Variants in FGF14 observed in about 807,000 individuals in gnomAD.
FGF14 encodes the protein fibroblast growth factor 14, also known as fibroblast growth factor homologous factor 4.
In FGF14, 5 loss-of-function variants were observed where a neutral mutation model predicts 25.5. The ratio of observed to expected loss-of-function variants is 0.20; its 90% CI spans 0.10 to 0.41. FGF14 has a LOEUF of 0.41. Among genes scored for constraint, FGF14 ranks in the 10% least tolerant of loss-of-function variants. FGF14 has a pLI of 1.00. For synonymous variants in FGF14, 138 were observed against 118.3 expected, an observed-to-expected ratio of 1.17 and a Z score of -1.08; for missense variants, 222 against 320.1, an observed-to-expected ratio of 0.69 and a Z score of 2.34.
At chr13:102,338,734 C>A (rs1330342508) in intron 1 of FGF14, among the ~76,000 whole-genome samples, 2 of 152,024 alleles carry the variant, frequency 1.3e-5, no homozygotes, top group Non-Finnish European at 2.9e-5. Flanking sequence ...AAGAAAAGGG[C>A]CAGGTGCCAT....
At chr13:101,805,777 G>A (rs1359558185) in intron 3 of FGF14, among the ~76,000 whole-genome samples, 1 of 151,972 alleles carries the variant, frequency 6.6e-6, no homozygotes, top group African/African-American at 2.4e-5. Context: ...ATTCTATGAA[G>A]CTGTTACTAT....
chr13:101,812,643 ATATATATATATTTTTTTTT>A (rs1459313893), intron 3 of FGF14, among the ~76,000 whole-genome samples: 13 of 10,084 alleles, frequency 1.3e-3, no homozygotes, highest in Middle Eastern at 0.071. Flanking sequence ...ATATATATAT[ATATATATATATTTTTTTTT>A]TTTTTTTTTT....
intron 1 of FGF14, among the ~76,000 whole-genome samples, chr13:102,195,030 G>GA (rs200492603): frequency 2.0e-3 from 301 of 150,210 alleles, no homozygotes; most frequent in African/African-American, 6.8e-3. Flanking sequence ...CTTCAAAAAT[G>GA]AAAAAAAAAG....
chr13:101,953,482 C>T (rs114086949), intron 1 of FGF14, among the ~76,000 whole-genome samples: 270 of 151,924 alleles, frequency 1.8e-3, no homozygotes, highest in Non-Finnish European at 2.9e-3. Flanking sequence ...TCCTGGACCA[C>T]TCTTCTCTAA....
chr13:102,148,215 G>A (rs1228030574), intron 1 of FGF14, among the ~76,000 whole-genome samples: 1 of 151,718 alleles, frequency 6.6e-6, no homozygotes, highest in Non-Finnish European at 1.5e-5. Context: ...AACTTGGGGG[G>A]AAAAAAAGTC....
At chr13:102,105,914 T>C (rs2044884799) in intron 1 of FGF14, among the ~76,000 whole-genome samples, 1 of 152,196 alleles carries the variant, frequency 6.6e-6, no homozygotes, top group Admixed American at 6.5e-5. Flanking sequence ...ATTGCCAACA[T>C]ACATTTCAAC....
intron 1 of FGF14, among the ~76,000 whole-genome samples, chr13:102,139,441 T>A (rs956060202): frequency 6.6e-6 from 1 of 151,952 alleles, no homozygotes; most frequent in African/African-American, 2.4e-5. Context: ...ATAACATATA[T>A]CTTGCAGGAT....
At chr13:102,247,659 A>G (rs2051947516) in intron 1 of FGF14, among the ~76,000 whole-genome samples, 1 of 152,204 alleles carries the variant, frequency 6.6e-6, no homozygotes, top group Non-Finnish European at 1.5e-5. Context: ...AATTAGTTCA[A>G]CCATTGTGGA....
chr13:102,379,452 A>G (rs1383705427), intron 1 of FGF14, among the ~76,000 whole-genome samples: 1 of 150,266 alleles, frequency 6.7e-6, no homozygotes, highest in African/African-American at 2.5e-5. Flanking sequence ...ATGTGTATGT[A>G]TATATATATA....
intron 1 of FGF14, among the ~76,000 whole-genome samples, chr13:102,103,257 G>A (rs1246175793): frequency 6.6e-6 from 1 of 152,080 alleles, no homozygotes; most frequent in Non-Finnish European, 1.5e-5. Context: ...GAAAGAGAAA[G>A]TTCTGGAAGC....
intron 1 of FGF14, among the ~76,000 whole-genome samples, chr13:102,131,259 C>A (rs1180751695): frequency 6.6e-6 from 1 of 152,146 alleles, no homozygotes; most frequent in African/African-American, 2.4e-5. Flanking sequence ...ATCTCCTGTG[C>A]CAATAATGAA....
chr13:101,807,910 T>G (rs2041288699), intron 3 of FGF14, among the ~76,000 whole-genome samples: 1 of 152,018 alleles, frequency 6.6e-6, no homozygotes, highest in African/African-American at 2.4e-5. Context: ...CTCAAAAGGG[T>G]TTTATATAGT....
intron 1 of FGF14, among the ~76,000 whole-genome samples, chr13:102,034,524 A>G (rs1276215088): frequency 1.2e-4 from 18 of 152,154 alleles, no homozygotes; most frequent in Admixed American, 1.2e-3. Flanking sequence ...AGCTGCAATG[A>G]AGTTGAGTCA....
At chr13:102,180,241 C>G (rs753248211) in intron 1 of FGF14, among the ~76,000 whole-genome samples, 22 of 152,172 alleles carry the variant, frequency 1.4e-4, no homozygotes, top group Non-Finnish European at 2.9e-4. Flanking sequence ...GGACTATTTA[C>G]TGTCATTTCC....
intron 1 of FGF14, among the ~76,000 whole-genome samples, chr13:102,042,848 T>G (rs984697241): frequency 2.0e-5 from 3 of 152,180 alleles, no homozygotes; most frequent in Admixed American, 6.5e-5. Flanking sequence ...AAACTATGGA[T>G]AGTTGGGGCT....
At chr13:102,282,346 G>T (rs531887025) in intron 1 of FGF14, among the ~76,000 whole-genome samples, 1 of 152,008 alleles carries the variant, frequency 6.6e-6, no homozygotes, top group South Asian at 2.1e-4. Context: ...GAGCCACCAC[G>T]CCCAGCCTCC....
chr13:101,882,193 T>C (rs1428113455), intron 1 of FGF14, among the ~76,000 whole-genome samples: 1 of 152,106 alleles, frequency 6.6e-6, no homozygotes, highest in East Asian at 1.9e-4. Flanking sequence ...ATTCCCTAAA[T>C]TTAAAGAATC....
At chr13:102,036,677 A>G (rs1017345532) in intron 1 of FGF14, among the ~76,000 whole-genome samples, 4 of 151,996 alleles carry the variant, frequency 2.6e-5, no homozygotes, top group African/African-American at 9.7e-5. Flanking sequence ...GGAGGAGAAG[A>G]AGGAGAAGGA....
intron 1 of FGF14, among the ~76,000 whole-genome samples, chr13:102,211,572 T>A (rs2050162105): frequency 1.3e-5 from 2 of 152,248 alleles, no homozygotes; most frequent in Admixed American, 1.3e-4. Context: ...AATTTTTCCC[T>A]GCTTAGTACA....
Sources: allele counts gnomAD v4.1 joint callset (sites outside exome capture counted in the v4.1 genomes callset), GRCh38; gene constraint gnomAD v4.1.1; transcripts MANE v1.5; gene names NCBI Gene and HGNC (gene_info 2026-07-23, HGNC 2026-07-21).